Variants in ARFGEF3 observed in about 807,000 individuals in gnomAD.
The protein encoded by ARFGEF3 is brefeldin A-inhibited guanine nucleotide-exchange protein 3.
Under a neutral mutation model 221.7 loss-of-function variants are expected in ARFGEF3, and 96 were observed. The ratio of observed to expected loss-of-function variants is 0.43; its 90% confidence interval spans 0.37 to 0.51. The LOEUF is 0.51. ARFGEF3 is among the 20% of genes least tolerant of loss of function. ARFGEF3 has a pLI of 0.00. For synonymous variants in ARFGEF3, 1,145 were observed against 1,126.8 expected (o/e 1.02, Z -0.32); for missense variants, 2,410 against 2,789.9 (o/e 0.86, Z 3.07).
chr6:138,297,485 A>G lies in ARFGEF3; in HGVS notation c.3648+530A>G, dbSNP rs187843740. Among the ~76,000 whole-genome samples, 773 of 152,304 alleles carry G rather than the reference A, an allele frequency of 5.1e-3. 8 individuals are homozygous for G. The highest frequency in any genetic ancestry group is 0.017 in the African/African-American group (718 of 41,570). On this transcript the variant is annotated intron_variant, in intron 21 of 33. Coordinates refer to ENST00000251691, the MANE Select transcript of ARFGEF3 (RefSeq NM_020340.5). Reference sequence around the variant, plus strand: ...GGCAGCTCTACATCTAAGCATCTCAATACATGAGGACTGGCCACTTCCAAG... The same window carrying G: ...GGCAGCTCTACATCTAAGCATCTCAGTACATGAGGACTGGCCACTTCCAAG...
chr6:138,265,693 T>C (rs1210393249), intron 12 of ARFGEF3, among the ~76,000 whole-genome samples: 1 of 152,166 alleles, frequency 6.6e-6, no homozygotes, highest in Non-Finnish European at 1.5e-5. Context: ...CCAACATTTA[T>C]AGAGAAGCCG....
At chr6:138,195,106 G>A (rs577504264) in intron 2 of ARFGEF3, among the ~76,000 whole-genome samples, 23 of 143,248 alleles carry the variant, frequency 1.6e-4, no homozygotes, top group Admixed American at 1.6e-3. Context: ...AGGTTCAAGC[G>A]ATGTTTCTGC....
At chr6:138,193,834 C>G (rs1373818925) in intron 2 of ARFGEF3, among the ~76,000 whole-genome samples, 6 of 152,080 alleles carry the variant, frequency 3.9e-5, no homozygotes, top group African/African-American at 1.4e-4. Flanking sequence ...TGAAGTCAGT[C>G]TTTTTTTCTC....
At chr6:138,307,453 C>A in intron 23 of ARFGEF3, 56 bp downstream of exon 23, 1 of 1,501,694 alleles carries the variant, frequency 6.7e-7, no homozygotes, top group Non-Finnish European at 9.1e-7. Context: ...TGCCAAGTTT[C>A]ATGCTATTAA....
chr6:138,327,209 G>GT (rs1268528074), intron 31 of ARFGEF3, among the ~76,000 whole-genome samples: 3 of 152,118 alleles, frequency 2.0e-5, no homozygotes, highest in African/African-American at 7.2e-5. Context: ...CATGACACAT[G>GT]TTTACCTATG....
At position 138,319,715 on chromosome 6, in the gene ARFGEF3, G is replaced by T. The variant is rs763932401; in HGVS notation, c.4487G>T (p.Gly1496Val). The change falls in exon 28 of 34, where the codon GGT becomes GTT. Residue 1496 changes from glycine (G) to valine (V), a missense_variant. Gly to Val is a moderately radical substitution (Grantham distance 109). Around this residue, in one of 5 missense-constraint regions of ARFGEF3, gnomAD observed 723 missense variants for 991.9 expected, o/e 0.73. Coordinates refer to ENST00000251691, the MANE Select transcript of ARFGEF3 (RefSeq NM_020340.5). ...DVTKTPGPGF[G>V]IYAVVHLLLP... Reference sequence around the variant, plus strand: ...TTTTCTTTTTCAGGACCAGGGTTTGGTATCTATGCAGTGGTTCACCTCCTC... The same window carrying T: ...TTTTCTTTTTCAGGACCAGGGTTTGTTATCTATGCAGTGGTTCACCTCCTC... 1.9e-6 allele frequency: 3 copies of T among 1,597,756 alleles called. No homozygotes were observed. Among genetic ancestry groups the T allele is most frequent in the Non-Finnish European group, 2.6e-6 (3 of 1,174,492 alleles).
At chr6:138,315,793 T>C (rs1412643034) in intron 26 of ARFGEF3, among the ~76,000 whole-genome samples, 8 of 150,886 alleles carry the variant, frequency 5.3e-5, no homozygotes, top group African/African-American at 1.5e-4. Context: ...GAGGTTGCAG[T>C]GAGCCGAGAT....
chr6:138,234,315 A>T (rs1458075260), intron 5 of ARFGEF3, among the ~76,000 whole-genome samples: 1 of 152,200 alleles, frequency 6.6e-6, no homozygotes, highest in Non-Finnish European at 1.5e-5. Flanking sequence ...GAGGAGGAAG[A>T]GGCAAGTCAC....
rs938920578 is a variant in ARFGEF3, at chr6:138,311,573, C to T, written c.4200+63C>T. 17 of 1,130,618 alleles carry T rather than the reference C, an allele frequency of 1.5e-5. No individual in the cohort carries two copies. The Admixed American group carries it at 3.0e-4, about 20-fold the overall frequency. The allele number at this position is 1,130,618 out of a possible 1,614,324, so 70.0% of individuals were successfully genotyped here. ...CCTGCCTCGGAACATGCTGCCAAAA[C>T]ATGCGTGGGGGGTCTTTTGCTGAAG... On this transcript the variant is annotated intron_variant, in intron 25 of 33. Transcript: ENST00000251691.
rs2114704521 is a variant in ARFGEF3, at chr6:138,337,157, AGAAAGTTCTTT to A, written c.*672_*682del. The A allele has an allele frequency of 6.5e-6, 1 of 152,806 alleles. No homozygotes were observed. The highest frequency in any genetic ancestry group is 1.5e-5 in the Non-Finnish European group (1 of 68,046). 9.5% of individuals were successfully genotyped at this position (152,806 alleles called of 1,614,324 possible). A position where few individuals can be genotyped will look rare whatever the true frequency, so the allele number is the denominator to read the frequency against. On this transcript the variant is annotated 3_prime_UTR_variant, in exon 34 of 34. Transcript: ENST00000251691. ...CCTTTATTTCTGTATTTCTAAAAGAAGAAAGTTCTTTCCTAGCAGGGTTTGAAGTCTGTGGC... is the reference window on the plus strand; with the variant it reads ...CCTTTATTTCTGTATTTCTAAAAGAACCTAGCAGGGTTTGAAGTCTGTGGC...
rs773179483 is a variant in ARFGEF3, at chr6:138,335,114, G to A, written c.6268G>A (p.Asp2090Asn). 47 of 1,600,814 alleles carry A rather than the reference G, an allele frequency of 2.9e-5. No individual in the cohort carries two copies. The Admixed American group carries it at 7.9e-4, about 27-fold the overall frequency. Residue 2090 changes from aspartate (D) to asparagine (N), a missense_variant, in exon 33 of 34, where the codon GAC becomes AAC. This residue lies in a region of ARFGEF3 where 339 missense variants were observed against 334.9 expected (regional missense o/e 1.01). Coordinates refer to ENST00000251691, the MANE Select transcript of ARFGEF3 (RefSeq NM_020340.5). ...CGCAGGCCCCGAGCTGCTGCGACAG[G>A]ACAAGAGGCCCCGCTCAGGCTCCAC... is the stretch of plus-strand genomic sequence containing the variant. Reference protein sequence around the residue: ...FSAGPELLRQDKRPRSGSTGS... With the variant: ...FSAGPELLRQNKRPRSGSTGS...
At chr6:138,174,428 T>A (rs2114435986) in intron 2 of ARFGEF3, among the ~76,000 whole-genome samples, 1 of 119,140 alleles carries the variant, frequency 8.4e-6, no homozygotes, top group African/African-American at 3.1e-5. Flanking sequence ...CTCTGTTAAA[T>A]CATTATGTTT....
intron 2 of ARFGEF3, among the ~76,000 whole-genome samples, chr6:138,181,013 T>C (rs1265499030): frequency 3.3e-5 from 5 of 152,244 alleles, no homozygotes; most frequent in Non-Finnish European, 5.9e-5. Flanking sequence ...AATACCATTC[T>C]ATTTCCTAAC....
At chr6:138,328,688 G>T (rs6570225) in intron 32 of ARFGEF3, among the ~76,000 whole-genome samples, 1 of 151,942 alleles carries the variant, frequency 6.6e-6, no homozygotes. Context: ...CCCAACCCAT[G>T]ATGTCATACA....
At chr6:138,218,186 A>C (rs761527000) in intron 4 of ARFGEF3, 1 of 1,613,956 alleles carries the variant, frequency 6.2e-7, no homozygotes, top group Admixed American at 1.7e-5. Flanking sequence ...CTATGGAATA[A>C]TCAATGAACT....
rs772715891 is a variant in ARFGEF3, at chr6:138,287,173, C to T, written c.2885C>T (p.Ala962Val). ...EEREAQEPSDAITQVKLKVEQ... is the reference protein window; with the variant it reads ...EEREAQEPSDVITQVKLKVEQ... ...AGGGAGGCCCAAGAACCCAGTGATG[C>T]CATCACACAAGGTAACAACTGGAGG... The change falls in exon 17 of 34, where the codon GCC (alanine) becomes GTC (valine). Residue 962 changes from alanine to valine, a missense_variant. Around this residue, in one of 5 missense-constraint regions of ARFGEF3, gnomAD observed 594 missense variants for 734.3 expected, o/e 0.81. Transcript: ENST00000251691. 37 of 1,561,756 alleles carry T rather than the reference C, an allele frequency of 2.4e-5. No homozygotes were observed. In the South Asian group the frequency reaches 4.3e-4, roughly 18 times the overall value.
At chr6:138,311,933 A>T (rs1248364122) in intron 25 of ARFGEF3, among the ~76,000 whole-genome samples, 1 of 152,148 alleles carries the variant, frequency 6.6e-6, no homozygotes, top group African/African-American at 2.4e-5. Context: ...AGATGGGTGG[A>T]TTACCTGAGG....
chr6:138,292,058 G>T lies in ARFGEF3; in HGVS notation c.3368+5G>T. 1 of 1,416,404 alleles carries T rather than the reference G, an allele frequency of 7.1e-7. No homozygotes were observed. The highest frequency in any genetic ancestry group is 9.2e-7 in the Non-Finnish European group (1 of 1,087,840). The allele number at this position is 1,416,404 out of a possible 1,614,324, so 87.7% of individuals were successfully genotyped here. On this transcript the variant is annotated splice_donor_5th_base_variant and intron_variant, in intron 19 of 33. Transcript: ENST00000251691. ...CCTCTCCACGCAAGCCGACAGGTGC[G>T]CGGCGCCGGCCTCCCACGCCCCGGG...
At chr6:138,208,091 C>T (rs527337051) in intron 3 of ARFGEF3, among the ~76,000 whole-genome samples, 1 of 152,252 alleles carries the variant, frequency 6.6e-6, no homozygotes, top group East Asian at 1.9e-4. Flanking sequence ...TGATCTGTCA[C>T]TTTTGTTCCT....
Sources: gnomAD v4.1 joint callset for allele counts (sites outside exome capture counted in the v4.1 genomes callset) on GRCh38, gnomAD v4.1.1 for gene constraint, gnomAD v4.1.1 regional missense constraint, MANE v1.5 for transcripts, NCBI Gene and HGNC (gene_info 2026-07-23, HGNC 2026-07-21) for gene names.